Variants in HIKESHI observed in about 807,000 individuals in gnomAD.
HIKESHI encodes the protein heat shock protein nuclear import factor hikeshi, also known as protein Hikeshi.
HIKESHI carries 13 observed loss-of-function variants against 25.7 expected under a neutral mutation model. The ratio of observed to expected loss-of-function variants is 0.51; its 90% CI spans 0.33 to 0.80. The LOEUF (loss-of-function observed/expected upper bound fraction) is 0.80, where lower values mean the gene tolerates loss of function less well. Among genes scored for constraint, HIKESHI ranks in the 30% least tolerant of loss-of-function variants. The probability of loss-of-function intolerance (pLI) is 0.02; values close to 1 mark genes in which losing one functional copy is unlikely to be tolerated. For missense variants in HIKESHI, 174 were observed against 229.5 expected (o/e 0.76, Z 1.56); for synonymous variants, 76 against 78.7 (o/e 0.97, Z 0.18).
At chr11:86,324,589 A>T (rs1403276297) in intron 2 of HIKESHI, among the ~76,000 whole-genome samples, 1 of 152,224 alleles carries the variant, frequency 6.6e-6, no homozygotes, top group Non-Finnish European at 1.5e-5. Context: ...TAATTTATAT[A>T]TAAAAGATTA....
At chr11:86,345,280 G>A (rs554749942) in intron 4 of HIKESHI, 15 of 398,698 alleles carry the variant, frequency 3.8e-5, no homozygotes, top group Non-Finnish European at 4.9e-5. Context: ...GGAAATAGGA[G>A]TTGAATTTGA....
At chr11:86,339,290 C>T (rs545722931) in intron 3 of HIKESHI, among the ~76,000 whole-genome samples, 96 of 152,298 alleles carry the variant, frequency 6.3e-4, no homozygotes, top group African/African-American at 2.2e-3. Context: ...CCTCGTTATC[C>T]GCCTGCCTTG....
At chr11:86,337,264 T>G (rs1031900016) in intron 2 of HIKESHI, 115 bp from the exon 3 acceptor site, 1 of 947,080 alleles carries the variant, frequency 1.1e-6, no homozygotes, top group African/African-American at 1.7e-5. Context: ...AGGGACAAAC[T>G]TGGACATAAA....
In HIKESHI at chr11:86,319,217, AAT is replaced by A. The variant is rs139667221; in HGVS notation, c.268+12760_268+12761del. 4.4e-3 allele frequency among the ~76,000 whole-genome samples: 504 copies of A among 114,996 alleles called. 12 individuals carry two copies. Among genetic ancestry groups the A allele is most frequent in the African/African-American group, 0.015 (419 of 28,524 alleles). 75.4% of individuals were successfully genotyped at this position (114,996 alleles called of 152,430 possible). A position where few individuals can be genotyped will look rare whatever the true frequency, so the allele number is the denominator to read the frequency against. ...CATGAGCTACTGTGCCTGGCTTAAA[AAT>A]ATATATATATATATATATATATATT... On this transcript the variant is annotated intron_variant, in intron 2 of 4. Coordinates refer to ENST00000278483, the MANE Select transcript of HIKESHI (RefSeq NM_016401.4).
At chr11:86,307,358 TATG>T (rs901463008) in intron 2 of HIKESHI, among the ~76,000 whole-genome samples, 4 of 87,960 alleles carry the variant, frequency 4.5e-5, no homozygotes, top group African/African-American at 1.6e-4. Flanking sequence ...AAATATATAT[TATG>T]TGTAATATAC....
At chr11:86,335,265 A>G (rs1282497290) in intron 2 of HIKESHI, among the ~76,000 whole-genome samples, 1 of 152,172 alleles carries the variant, frequency 6.6e-6, no homozygotes, top group Non-Finnish European at 1.5e-5. Context: ...TCTTCATGGA[A>G]AAGTATCTAC....
At chr11:86,325,167 G>A (rs988542781) in intron 2 of HIKESHI, among the ~76,000 whole-genome samples, 1 of 151,462 alleles carries the variant, frequency 6.6e-6, no homozygotes, top group African/African-American at 2.4e-5. Flanking sequence ...GACAGAGTGA[G>A]ACCCTGTCTC....
At chr11:86,306,608 T>A in intron 2 of HIKESHI, 126 bp downstream of exon 2, 4 of 595,772 alleles carry the variant, frequency 6.7e-6, no homozygotes, top group Non-Finnish European at 1.1e-5. Flanking sequence ...TACAAAACAT[T>A]GTTTTTTAAA....
At chr11:86,313,778 A>G (rs1369625113) in intron 2 of HIKESHI, among the ~76,000 whole-genome samples, 1 of 152,160 alleles carries the variant, frequency 6.6e-6, no homozygotes, top group Non-Finnish European at 1.5e-5. Context: ...AAAGGTAGCA[A>G]TTAACTCGTA....
intron 2 of HIKESHI, among the ~76,000 whole-genome samples, chr11:86,337,170 A>G (rs1290943595): frequency 4.6e-5 from 7 of 152,080 alleles, no homozygotes; most frequent in African/African-American, 1.2e-4. Flanking sequence ...TGTGACAGCT[A>G]TTTTTCTGGT....
At chr11:86,324,296 C>A (rs930677823) in intron 2 of HIKESHI, 1 of 152,206 alleles carries the variant, frequency 6.6e-6, no homozygotes, top group Non-Finnish European at 1.5e-5. Flanking sequence ...CAGATGCACA[C>A]CAATATGTTT....
intron 2 of HIKESHI, among the ~76,000 whole-genome samples, chr11:86,320,153 T>G (rs1404374685): frequency 2.0e-5 from 3 of 152,194 alleles, no homozygotes; most frequent in Non-Finnish European, 2.9e-5. Context: ...TGGATATATG[T>G]GTTTAGATAT....
intron 2 of HIKESHI, among the ~76,000 whole-genome samples, chr11:86,310,513 G>C (rs1483665744): frequency 6.6e-6 from 1 of 152,186 alleles, no homozygotes; most frequent in Non-Finnish European, 1.5e-5. Context: ...TGCAAACAGG[G>C]ACAATTTGAC....
intron 1 of HIKESHI, among the ~76,000 whole-genome samples, chr11:86,303,995 A>G (rs954971446): frequency 6.6e-6 from 1 of 152,096 alleles, no homozygotes; most frequent in African/African-American, 2.4e-5. Context: ...GGTTATATGC[A>G]TGCCAAAGAC....
Position 86,345,164 on chromosome 11 carries a change from C to T in HIKESHI, c.540-420C>T, listed in dbSNP as rs1009872344. The T allele has an allele frequency of 2.6e-5, 27 of 1,035,746 alleles. No homozygotes were observed. The African/African-American group carries it at 4.4e-4, about 17-fold the overall frequency. The allele number at this position is 1,035,746 out of a possible 1,614,324, so 64.2% of individuals were successfully genotyped here. On this transcript the variant is annotated intron_variant, in intron 4 of 4. Transcript: ENST00000278483. Reference sequence around the variant, plus strand: ...GGAAGAGTTTGTTGAGAAGTGGTACCATGGTGTAGCATGGAGAGCATTGGA... The same window carrying T: ...GGAAGAGTTTGTTGAGAAGTGGTACTATGGTGTAGCATGGAGAGCATTGGA...
At chr11:86,316,230 G>T (rs1044012305) in intron 2 of HIKESHI, among the ~76,000 whole-genome samples, 5 of 151,864 alleles carry the variant, frequency 3.3e-5, no homozygotes, top group African/African-American at 9.7e-5. Flanking sequence ...AGAAAAGAAG[G>T]CCGGGTGTGG....
chr11:86,337,406 C>G lies in HIKESHI; in HGVS notation c.296C>G (p.Ala99Gly), dbSNP rs765971785. 1 of 1,613,316 alleles carries G rather than the reference C, an allele frequency of 6.2e-7. No individual in the cohort carries two copies. The highest frequency in any genetic ancestry group is 8.5e-7 in the Non-Finnish European group (1 of 1,179,716). The part of the protein sequence containing the change: ...SGEGSQHPFG[A>G]MNIVRTPSVA... Reference sequence around the variant, plus strand: ...GAAGGAAGCCAACATCCTTTTGGAGCCATGAATATTGTCCGAACTCCATCT... The same window carrying G: ...GAAGGAAGCCAACATCCTTTTGGAGGCATGAATATTGTCCGAACTCCATCT... Residue 99 changes from alanine (A) to glycine (G), a missense_variant, in exon 3 of 5, where the codon GCC becomes GGC. Coordinates refer to ENST00000278483, the MANE Select transcript of HIKESHI (RefSeq NM_016401.4).
intron 2 of HIKESHI, among the ~76,000 whole-genome samples, chr11:86,308,273 T>TAC: frequency 1.4e-5 from 1 of 71,172 alleles, no homozygotes; most frequent in African/African-American, 5.7e-5. Flanking sequence ...AAATGTGTAT[T>TAC]ATATATAAAA....
rs573062615 is a variant in HIKESHI at position 86,325,468 on chromosome 11, A to G, written c.269-11911A>G. On this transcript the variant is annotated intron_variant, in intron 2 of 4. Coordinates refer to ENST00000278483, the MANE Select transcript of HIKESHI (RefSeq NM_016401.4). ...GAACAATCTGTGGGTGATGGTTAAG[A>G]ACTCAGGTAGGACTAAATTTGAAAA... 2.6e-5 allele frequency among the ~76,000 whole-genome samples: 4 copies of G among 152,318 alleles called. No homozygotes were observed. In the South Asian group the frequency reaches 8.3e-4, roughly 32 times the overall value.
Sources: gnomAD v4.1 joint callset for allele counts (sites outside exome capture counted in the v4.1 genomes callset) on GRCh38, gnomAD v4.1.1 for gene constraint, MANE v1.5 for transcripts, NCBI Gene and HGNC (gene_info 2026-07-23, HGNC 2026-07-21) for gene names.